Variants in HSD17B4 observed in about 807,000 individuals in gnomAD.
HSD17B4 encodes the protein peroxisomal multifunctional enzyme type 2.
HSD17B4 carries 70 observed loss-of-function variants against 101.0 expected under a neutral mutation model. The observed-to-expected ratio is 0.69, with a 90% CI of 0.57 to 0.85. The LOEUF (loss-of-function observed/expected upper bound fraction) is 0.85, where lower values mean the gene tolerates loss of function less well. Ranked by LOEUF, HSD17B4 falls within the 40% of genes least tolerant of loss-of-function variation. The pLI is 0.00. For synonymous variants in HSD17B4, 347 were observed against 297.1 expected, an observed-to-expected ratio of 1.17 and a Z score of -1.73; for missense variants, 984 against 892.4, an observed-to-expected ratio of 1.10 and a Z score of -1.31.
At chr5:119,524,036 C>T (rs1753353872) in intron 17 of HSD17B4, among the ~76,000 whole-genome samples, 1 of 152,074 alleles carries the variant, frequency 6.6e-6, no homozygotes, top group South Asian at 2.1e-4. Context: ...TATTTGCTAA[C>T]ATTTTATTAT....
chr5:119,503,699 A>T (rs563627763), intron 14 of HSD17B4, among the ~76,000 whole-genome samples: 1 of 151,010 alleles, frequency 6.6e-6, no homozygotes, highest in Non-Finnish European at 1.5e-5. Flanking sequence ...AAAAATAACC[A>T]CTAGAAGGAG....
At chr5:119,456,405 A>G (rs767176735) in intron 2 of HSD17B4, 37 bp downstream of exon 2, 1 of 1,153,466 alleles carries the variant, frequency 8.7e-7, no homozygotes. Context: ...TCTGTAGCTG[A>G]TAACTGAAAT....
intron 20 of HSD17B4, among the ~76,000 whole-genome samples, chr5:119,529,663 G>A (rs2126888809): frequency 6.6e-6 from 1 of 152,196 alleles, no homozygotes; most frequent in East Asian, 1.9e-4. Context: ...TTGTTTTAAA[G>A]GGCTCCAGCT....
chr5:119,452,738 G>C, intron 1 of HSD17B4, 105 bp downstream of exon 1: 1 of 1,599,400 alleles, frequency 6.3e-7, no homozygotes, highest in Non-Finnish European at 8.5e-7. Context: ...ACCCCGCTGA[G>C]GTGGTGGGGA....
intron 21 of HSD17B4, among the ~76,000 whole-genome samples, chr5:119,530,351 GCA>G (rs1753958717): frequency 6.6e-6 from 1 of 151,976 alleles, no homozygotes; most frequent in Non-Finnish European, 1.5e-5. Context: ...AGTTTTGTAT[GCA>G]AATATATAAA....
chr5:119,501,898 GAAGAAGCCA>G, intron 13 of HSD17B4, 134 bp from the exon 14 acceptor site: 1 of 643,104 alleles, frequency 1.6e-6, no homozygotes, highest in Non-Finnish European at 2.8e-6. Flanking sequence ...ACATGATTAA[GAAGAAGCCA>G]AACAGAGATA....
intron 17 of HSD17B4, among the ~76,000 whole-genome samples, chr5:119,517,273 G>A (rs1752708308): frequency 6.6e-6 from 1 of 152,224 alleles, no homozygotes; most frequent in Non-Finnish European, 1.5e-5. Flanking sequence ...AGGGTGTACT[G>A]GGTCCCGCAG....
chr5:119,478,794 T>A (rs1355852125), intron 7 of HSD17B4, 40 bp from the exon 8 acceptor site: 1 of 1,552,070 alleles, frequency 6.4e-7, no homozygotes, highest in South Asian at 1.1e-5. Flanking sequence ...GTTATCAAAT[T>A]ATGGAAAAGA....
At chr5:119,456,201 C>A in intron 1 of HSD17B4, 114 bp from the exon 2 acceptor site, 1 of 749,228 alleles carries the variant, frequency 1.3e-6, no homozygotes, top group Non-Finnish European at 2.5e-6. Context: ...TTGAGAGTAT[C>A]ATTAAAATGT....
chr5:119,513,669 A>G (rs550082694), intron 16 of HSD17B4, among the ~76,000 whole-genome samples: 1 of 152,318 alleles, frequency 6.6e-6, no homozygotes, highest in Non-Finnish European at 1.5e-5. Flanking sequence ...ATATTGGGCA[A>G]TAATGAATTA....
At chr5:119,517,478 C>G (rs1322907037) in intron 17 of HSD17B4, among the ~76,000 whole-genome samples, 2 of 152,228 alleles carry the variant, frequency 1.3e-5, no homozygotes, top group South Asian at 2.1e-4. Flanking sequence ...CACCCAAGGG[C>G]TGAGGAGTGC....
rs139246182 is a variant in HSD17B4 at position 119,461,558 on chromosome 5, T to C, written c.112+5190T>C. Among the ~76,000 whole-genome samples the C allele has an allele frequency of 4.5e-3, 681 of 152,226 alleles. 4 individuals are homozygous for C. The highest frequency in any genetic ancestry group is 0.015 in the African/African-American group (640 of 41,538). On this transcript the variant is annotated intron_variant, in intron 2 of 23. Transcript: ENST00000510025. ...ATCTATTTACCTACTTATAGAATAC[T>C]TTTTATCGGATCTAAGTGTGTTTTA...
At chr5:119,460,814 A>G (rs888204165) in intron 2 of HSD17B4, among the ~76,000 whole-genome samples, 2 of 152,174 alleles carry the variant, frequency 1.3e-5, no homozygotes, top group Admixed American at 6.5e-5. Flanking sequence ...GGAGAAAAAA[A>G]TGAGTGAATG....
intron 1 of HSD17B4, among the ~76,000 whole-genome samples, chr5:119,454,810 C>T (rs1237860068): frequency 1.3e-5 from 2 of 151,524 alleles, no homozygotes; most frequent in Admixed American, 6.6e-5. Flanking sequence ...TGAATAGAGA[C>T]GGGGTTTCAC....
chr5:119,453,367 A>G (rs780231267), intron 1 of HSD17B4, among the ~76,000 whole-genome samples: 3 of 152,236 alleles, frequency 2.0e-5, no homozygotes, highest in Non-Finnish European at 4.4e-5. Flanking sequence ...AGTTGCCTGT[A>G]TTTCAGGAGC....
chr5:119,481,688 G>A (rs72547236), intron 8 of HSD17B4, among the ~76,000 whole-genome samples: 3,301 of 152,144 alleles, frequency 0.022, 115 homozygotes, highest in African/African-American at 0.073. Context: ...TGGATAAATG[G>A]AGTGAGCACA....
At position 119,537,563 on chromosome 5, in the gene HSD17B4, T is replaced by G. The variant is rs140374249; in HGVS notation, c.2121+1013T>G. ...AGACAAAACCCTACTGTATGGAGCT[T>G]CTTTTAGTGTACTAATGCAAAAGAA... On this transcript the variant is annotated intron_variant, in intron 23 of 23. Transcript: ENST00000510025. 1.7e-3 allele frequency among the ~76,000 whole-genome samples: 265 copies of G among 152,290 alleles called. 6 individuals carry two copies. The South Asian group carries it at 0.048, about 28-fold the overall frequency.
rs550705310 is a variant in HSD17B4 at position 119,478,986 on chromosome 5, C to A, written c.587C>A (p.Ala196Glu). Residue 196 changes from alanine (A) to glutamate (E), a missense_variant, in exon 8 of 24, where the codon GCG becomes GAG. By Grantham distance (107) the Ala-to-Glu change is moderately radical (BLOSUM62 -1). Coordinates refer to ENST00000510025, the MANE Select transcript of HSD17B4 (RefSeq NM_000414.4). ...NIHCNTIAPN[A>E]GSRMTQTVMP... ...CATTGTAACACCATTGCTCCTAATG[C>A]GGGATCACGGATGACTCAGACAGTT... The A allele has an allele frequency of 1.2e-6, 2 of 1,613,414 alleles. No homozygotes were observed. The highest frequency in any genetic ancestry group is 2.7e-5 in the African/African-American group (2 of 74,874).
At chr5:119,461,823 T>C (rs954866155) in intron 2 of HSD17B4, among the ~76,000 whole-genome samples, 1 of 152,036 alleles carries the variant, frequency 6.6e-6, no homozygotes, top group African/African-American at 2.4e-5. Flanking sequence ...AGTTTGAGAC[T>C]TCAATGAGCT....
Sources: gnomAD v4.1 joint callset for allele counts (sites outside exome capture counted in the v4.1 genomes callset) on GRCh38, gnomAD v4.1.1 for gene constraint, MANE v1.5 for transcripts, NCBI Gene and HGNC (gene_info 2026-07-23, HGNC 2026-07-21) for gene names.